The following ALK variants were observed in gnomAD, a reference collection of about 807,000 sequenced individuals.
ALK encodes the protein ALK tyrosine kinase receptor.
ALK carries 74 observed loss-of-function variants against 163.1 expected under a neutral mutation model. That is an observed-to-expected ratio of 0.45 (90% confidence interval 0.38 to 0.55). The LOEUF is 0.55. Among genes scored for constraint, ALK ranks in the 20% least tolerant of loss-of-function variants. The probability of loss-of-function intolerance (pLI) is 0.00; values close to 1 mark genes in which losing one functional copy is unlikely to be tolerated. For synonymous variants in ALK, 960 were observed against 843.2 expected (o/e 1.14, Z -2.40); for missense variants, 2,063 against 2,105.3 (o/e 0.98, Z 0.39).
At chr2:29,252,656 C>T (rs912760544) in intron 11 of ALK, among the ~76,000 whole-genome samples, 2 of 152,096 alleles carry the variant, frequency 1.3e-5, no homozygotes, top group African/African-American at 4.8e-5. Flanking sequence ...ATATGCTACT[C>T]AGCACGGAGT....
intron 5 of ALK, among the ~76,000 whole-genome samples, chr2:29,359,472 T>C (rs1668338108): frequency 6.6e-6 from 1 of 152,234 alleles, no homozygotes; most frequent in African/African-American, 2.4e-5. Context: ...GAAATCCTGT[T>C]CCTTCTTCAC....
chr2:29,721,162 G>A (rs1679410074), intron 1 of ALK, among the ~76,000 whole-genome samples: 1 of 152,218 alleles, frequency 6.6e-6, no homozygotes, highest in African/African-American at 2.4e-5. Flanking sequence ...TCTAGGCACT[G>A]CAGGGTATCA....
At chr2:29,871,119 T>C (rs1666566110) in intron 1 of ALK, among the ~76,000 whole-genome samples, 1 of 152,144 alleles carries the variant, frequency 6.6e-6, no homozygotes, top group African/African-American at 2.4e-5. Context: ...TAAAACCCAT[T>C]GGCTTTAGGA....
At chr2:29,659,632 A>G (rs568474362) in intron 3 of ALK, among the ~76,000 whole-genome samples, 7 of 152,256 alleles carry the variant, frequency 4.6e-5, no homozygotes, top group African/African-American at 7.2e-5. Context: ...TTAAACAAAT[A>G]AAGAGTTCTA....
intron 3 of ALK, among the ~76,000 whole-genome samples, chr2:29,669,637 T>A (rs1000967633): frequency 2.0e-5 from 3 of 152,104 alleles, no homozygotes; most frequent in African/African-American, 7.2e-5. Context: ...ACTGCCATTT[T>A]ATTCTCTGCT....
intron 1 of ALK, among the ~76,000 whole-genome samples, chr2:29,769,022 T>C (rs1178664422): frequency 6.6e-6 from 1 of 151,972 alleles, no homozygotes; most frequent in Admixed American, 6.6e-5. Context: ...TTTATACAGA[T>C]AGGGTTTTAT....
At chr2:29,904,398 T>TTCC (rs1374515745) in intron 1 of ALK, among the ~76,000 whole-genome samples, 6 of 152,150 alleles carry the variant, frequency 3.9e-5, no homozygotes, top group African/African-American at 1.4e-4. Context: ...CTCATTTATT[T>TTCC]AGTTATATTT....
chr2:29,250,237 G>A lies in ALK; in HGVS notation c.2204+868C>T, dbSNP rs1431833005. Among the ~76,000 whole-genome samples the A allele has an allele frequency of 2.0e-5, 3 of 152,210 alleles. No individual in the cohort carries two copies. In the East Asian group the frequency reaches 5.8e-4, roughly 29 times the overall value. On this transcript the variant is annotated intron_variant, in intron 12 of 28. Transcript: ENST00000389048. ...GCCCTGCCCCAGAACTCTGGAGGTG[G>A]AGGCTGCTTCTGGATGTGTAACTGT...
chr2:29,910,313 ATGCAGAC>A, intron 1 of ALK, among the ~76,000 whole-genome samples: 1 of 152,264 alleles, frequency 6.6e-6, no homozygotes, highest in Middle Eastern at 3.4e-3. Flanking sequence ...AATAAAAACT[ATGCAGAC>A]TGAAATACAG....
chr2:29,355,303 CA>C (rs1464748564), intron 5 of ALK, among the ~76,000 whole-genome samples: 1 of 152,184 alleles, frequency 6.6e-6, no homozygotes. Context: ...AAAACAAAGT[CA>C]TGCAGCACTG....
At chr2:29,252,827 T>G (rs1011458266) in intron 11 of ALK, among the ~76,000 whole-genome samples, 2 of 145,250 alleles carry the variant, frequency 1.4e-5, no homozygotes, top group Non-Finnish European at 2.9e-5. Context: ...TTTCCTGATT[T>G]TTTATTTATT....
intron 4 of ALK, among the ~76,000 whole-genome samples, chr2:29,467,750 T>C (rs1380236488): frequency 6.6e-6 from 1 of 152,200 alleles, no homozygotes; most frequent in East Asian, 1.9e-4. Flanking sequence ...CTCATGAGTA[T>C]ATTACAGAGT....
chr2:29,318,666 A>C (rs1191089274), intron 7 of ALK, among the ~76,000 whole-genome samples: 1 of 151,190 alleles, frequency 6.6e-6, no homozygotes, highest in East Asian at 2.0e-4. Flanking sequence ...TCCCGGGTTC[A>C]TGCCATTCTC....
rs980989671 is a variant in ALK, at chr2:29,275,164, T to C, written c.1976A>G (p.Asn659Ser). 5 of 1,614,004 alleles carry C rather than the reference T, an allele frequency of 3.1e-6. No homozygotes were observed. In the African/African-American group the frequency reaches 5.3e-5, roughly 17 times the overall value. Residue 659 changes from asparagine to serine, a missense_variant, in exon 11 of 29, where the codon AAC becomes AGC. Coordinates refer to ENST00000389048, the MANE Select transcript of ALK (RefSeq NM_004304.5). ...CCCGGGTTTCAGCTCCTTGTTTGGG[T>C]TTCTCTCAAACAGGTTTCTTGATTT... ...APKSRNLFER[N>S]PNKELKPGEN...
At chr2:29,795,023 A>T (rs1664271095) in intron 1 of ALK, among the ~76,000 whole-genome samples, 1 of 152,222 alleles carries the variant, frequency 6.6e-6, no homozygotes, top group African/African-American at 2.4e-5. Context: ...TGTCTGTGTT[A>T]CAACTGCATA....
At chr2:29,572,905 T>C (rs4599064) in intron 3 of ALK, among the ~76,000 whole-genome samples, 152,054 of 152,242 alleles carry the variant, frequency 1, 75,933 homozygotes, top group Middle Eastern at 1. Flanking sequence ...TGGTGGTCCA[T>C]GCATCTCTGT....
intron 1 of ALK, among the ~76,000 whole-genome samples, chr2:29,850,248 G>A (rs1239309889): frequency 1.3e-5 from 2 of 152,184 alleles, no homozygotes; most frequent in Non-Finnish European, 2.9e-5. Context: ...AAGACAAAAA[G>A]CAGCAAGTTA....
chr2:29,227,024 G>A lies in ALK; in HGVS notation c.2965C>T (p.His989Tyr), dbSNP rs1664021582. The change falls in exon 18 of 29, where the codon CAC (histidine) becomes TAC (tyrosine). Residue 989 changes from histidine to tyrosine, a missense_variant. By Grantham distance (83) the His-to-Tyr change is moderately conservative. Around this residue, in one of 5 missense-constraint regions of ALK, gnomAD observed 575 missense variants for 626.6 expected, o/e 0.92. Transcript: ENST00000389048. The surrounding 1 kb of genome is among the most constrained non-coding windows in gnomAD (Gnocchi z 4.4). ...VNIKHYLNCS[H>Y]CEVDECHMDP... ...ATGTGACATTCGTCTACCTCACAGT[G>A]ACTGCAGTTTAGATAATGCTTAATA... 1 of 1,614,154 alleles carries A rather than the reference G, an allele frequency of 6.2e-7. No homozygotes were observed.
rs1391843363 is a variant in ALK at position 29,193,159 on chromosome 2, C to CGTTG, written c.*64_*65insCAAC. ...TTTGGTCTCTGGTTTGTGAAGGAGC[C>CGTTG]ATTGCCTCTCTCTCCTCCACGGTCT... On this transcript the variant is annotated 3_prime_UTR_variant, in exon 29 of 29. Transcript: ENST00000389048. 1.3e-6 allele frequency: 2 copies of CGTTG among 1,518,714 alleles called. No homozygotes were observed. The highest frequency in any genetic ancestry group is 2.7e-5 in the African/African-American group (2 of 72,942). The allele number at this position is 1,518,714 out of a possible 1,614,324, so 94.1% of individuals were successfully genotyped here. A position where few individuals can be genotyped will look rare whatever the true frequency, so the allele number is the denominator to read the frequency against.
Sources: gnomAD v4.1 joint callset for allele counts (sites outside exome capture counted in the v4.1 genomes callset) on GRCh38, gnomAD v4.1.1 for gene constraint, gnomAD v4.1.1 regional missense constraint, Gnocchi (gnomAD v3.1) non-coding constraint, MANE v1.5 for transcripts, NCBI Gene and HGNC (gene_info 2026-07-23, HGNC 2026-07-21) for gene names.